HDAC9: variants seen among roughly 807,000 people sequenced by gnomAD.
HDAC9 encodes the protein MEF-2 interacting transcription repressor (MITR) protein.
A neutral mutation model predicts 139.4 loss-of-function variants in HDAC9; 41 were observed. The observed-to-expected ratio is 0.29, with a 90% CI of 0.23 to 0.38. The LOEUF (loss-of-function observed/expected upper bound fraction) is 0.38. Among genes scored for constraint, HDAC9 ranks in the 10% least tolerant of loss-of-function variants. The pLI, the probability that HDAC9 is intolerant of heterozygous loss-of-function variation, is 1.00. For synonymous variants in HDAC9, 517 were observed against 476.2 expected (o/e 1.09, Z -1.12); for missense variants, 1,147 against 1,297.0 (o/e 0.88, Z 1.78).
At chr7:18,165,406 C>A (rs543701703) in intron 2 of HDAC9, among the ~76,000 whole-genome samples, 8 of 152,124 alleles carry the variant, frequency 5.3e-5, no homozygotes, top group Non-Finnish European at 8.8e-5. Flanking sequence ...AAAAACACAT[C>A]ATAAAGTCTT....
At chr7:18,524,649 G>T (rs996512730) in intron 2 of HDAC9, among the ~76,000 whole-genome samples, 60 of 152,138 alleles carry the variant, frequency 3.9e-4, no homozygotes, top group African/African-American at 1.4e-3. Flanking sequence ...AGATTAAGAG[G>T]ATAGGAATAT....
chr7:18,852,062 T>C lies in HDAC9; in HGVS notation c.2684+16065T>C, dbSNP rs1160969064. ...CTGAGGGGTGCAGAAATGGTACACCTCTGTTCTGGCTGCTTGATCAGTGTC... is the reference window on the plus strand; with the variant it reads ...CTGAGGGGTGCAGAAATGGTACACCCCTGTTCTGGCTGCTTGATCAGTGTC... On this transcript the variant is annotated intron_variant, in intron 21 of 25. Transcript: ENST00000686413. Among the ~76,000 whole-genome samples the C allele has an allele frequency of 3.3e-5, 5 of 152,316 alleles. No individual in the cohort carries two copies. In the East Asian group the frequency reaches 7.7e-4, roughly 24 times the overall value.
chr7:18,220,331 C>A (rs1044889170), intron 2 of HDAC9, among the ~76,000 whole-genome samples: 8 of 152,122 alleles, frequency 5.3e-5, no homozygotes, highest in African/African-American at 1.9e-4. Context: ...ATAATATTAG[C>A]CATGACTATT....
chr7:18,162,914 AC>A (rs1787743789), intron 2 of HDAC9, among the ~76,000 whole-genome samples: 1 of 152,136 alleles, frequency 6.6e-6, no homozygotes, highest in Non-Finnish European at 1.5e-5. Flanking sequence ...CACAGCCAAC[AC>A]CCGTTCCTCC....
At chr7:18,532,380 A>G (rs1043329477) in intron 2 of HDAC9, among the ~76,000 whole-genome samples, 2 of 152,250 alleles carry the variant, frequency 1.3e-5, no homozygotes, top group Admixed American at 6.5e-5. Flanking sequence ...TCCTAGAGGT[A>G]TGATTCTAAA....
intron 2 of HDAC9, among the ~76,000 whole-genome samples, chr7:18,274,549 A>G (rs922636160): frequency 1.3e-5 from 2 of 152,156 alleles, no homozygotes; most frequent in African/African-American, 2.4e-5. Flanking sequence ...CCTACCTCCC[A>G]ACACTGCCAC....
At chr7:18,821,122 C>A (rs1197148537) in intron 17 of HDAC9, among the ~76,000 whole-genome samples, 1 of 152,124 alleles carries the variant, frequency 6.6e-6, no homozygotes, top group Non-Finnish European at 1.5e-5. Context: ...GGGTAGAAGG[C>A]GAAAGGGCAA....
intron 1 of HDAC9, among the ~76,000 whole-genome samples, chr7:18,462,964 T>G (rs887441468): frequency 2.0e-4 from 31 of 152,040 alleles, no homozygotes; most frequent in African/African-American, 7.0e-4. Flanking sequence ...ATTGTGCCAA[T>G]GTATAGTCCT....
chr7:18,322,745 G>A (rs1284642539), intron 1 of HDAC9, among the ~76,000 whole-genome samples: 4 of 152,128 alleles, frequency 2.6e-5, no homozygotes, highest in Admixed American at 6.6e-5. Flanking sequence ...TCGAGAACAG[G>A]ATTGAAGGCA....
At chr7:18,769,816 A>G (rs143295026) in intron 16 of HDAC9, among the ~76,000 whole-genome samples, 2 of 152,202 alleles carry the variant, frequency 1.3e-5, no homozygotes, top group East Asian at 3.9e-4. Flanking sequence ...GAAGGCCCCA[A>G]CTTGGCAGCA....
chr7:18,497,261 C>G (rs575782985), intron 2 of HDAC9, among the ~76,000 whole-genome samples: 7 of 152,234 alleles, frequency 4.6e-5, no homozygotes, highest in Non-Finnish European at 8.8e-5. Flanking sequence ...GATCCCACTT[C>G]CCATGTGGGC....
intron 2 of HDAC9, 80 bp downstream of exon 2, chr7:18,496,404 C>A (rs916611398): frequency 1.6e-6 from 2 of 1,255,846 alleles, no homozygotes; most frequent in African/African-American, 1.5e-5. Context: ...AAAAGCACCT[C>A]TCTTAAGGAA....
chr7:18,600,243 G>A (rs1452527670), intron 6 of HDAC9, among the ~76,000 whole-genome samples: 2 of 151,936 alleles, frequency 1.3e-5, no homozygotes, highest in Non-Finnish European at 2.9e-5. Flanking sequence ...TCCTCAATCA[G>A]TGGTTTATCT....
intron 2 of HDAC9, among the ~76,000 whole-genome samples, chr7:18,172,886 T>C (rs1241340773): frequency 6.6e-6 from 1 of 152,224 alleles, no homozygotes; most frequent in Non-Finnish European, 1.5e-5. Flanking sequence ...TGGTCAGTTT[T>C]GGAGTAAGTG....
chr7:18,706,160 CTTTTTTTTTTTTT>C (rs1165670432), intron 12 of HDAC9, among the ~76,000 whole-genome samples: 4 of 86,750 alleles, frequency 4.6e-5, no homozygotes, highest in African/African-American at 8.4e-5. Context: ...GAAAGTTTTC[CTTTTTTTTTTTTT>C]TTTTTTTTTT....
rs552116959 is a variant in HDAC9, at chr7:18,408,028, G to A, written c.-41-88234G>A. Among the ~76,000 whole-genome samples, 14 of 152,196 alleles carry A rather than the reference G, an allele frequency of 9.2e-5. No individual in the cohort carries two copies. In the East Asian group the frequency reaches 1.9e-3, roughly 21 times the overall value. ...AACCTCATACTTACATCGTACTTAC[G>A]TCGTGGAATTATTGAGGGGATTAAA... On this transcript the variant is annotated intron_variant, in intron 1 of 3. Transcript: ENST00000413509.
chr7:18,379,823 C>T (rs1182152699), intron 1 of HDAC9, among the ~76,000 whole-genome samples: 1 of 152,138 alleles, frequency 6.6e-6, no homozygotes, highest in Non-Finnish European at 1.5e-5. Flanking sequence ...ACATGTGATT[C>T]TTAAACAGAT....
chr7:18,180,191 C>G (rs533412871), intron 2 of HDAC9, among the ~76,000 whole-genome samples: 1 of 150,202 alleles, frequency 6.7e-6, no homozygotes, highest in African/African-American at 2.5e-5. Flanking sequence ...GTTTGTCATG[C>G]CAGCATTTCT....
chr7:18,620,528 T>TA (rs1839930266), intron 6 of HDAC9, among the ~76,000 whole-genome samples: 1 of 151,340 alleles, frequency 6.6e-6, no homozygotes, highest in South Asian at 2.1e-4. Flanking sequence ...TTTTTTTTTT[T>TA]AATACTAGAA....
Sources: gnomAD v4.1 joint callset for allele counts (sites outside exome capture counted in the v4.1 genomes callset) on GRCh38, gnomAD v4.1.1 for gene constraint, MANE v1.5 for transcripts, NCBI Gene and HGNC (gene_info 2026-07-23, HGNC 2026-07-21) for gene names.